PITPNM3: variants seen among roughly 807,000 people sequenced by gnomAD.
The protein encoded by PITPNM3 is membrane-associated phosphatidylinositol transfer protein 3.
PITPNM3 carries 26 observed loss-of-function variants against 102.0 expected under a neutral mutation model. The ratio of observed to expected loss-of-function variants is 0.25; its 90% CI spans 0.19 to 0.35. The LOEUF (loss-of-function observed/expected upper bound fraction) is 0.35. Among genes scored for constraint, PITPNM3 ranks in the 10% least tolerant of loss-of-function variants. The pLI is 1.00. For missense variants in PITPNM3, 1,083 were observed against 1,346.1 expected, an observed-to-expected ratio of 0.80 and a Z score of 3.06; for synonymous variants, 578 against 558.6, an observed-to-expected ratio of 1.03 and a Z score of -0.49.
At position 6,537,065 on chromosome 17, in the gene PITPNM3, T is replaced by C. The variant is rs987990985; in HGVS notation, c.118+922A>G. ...TCAAGGCTGATCTCTGCCTGAAATG[T>C]CCACCCCTTTGGATGCCCCTTTCTT... is the stretch of plus-strand genomic sequence containing the variant. On this transcript the variant is annotated intron_variant, in intron 2 of 19. Coordinates refer to ENST00000262483, the MANE Select transcript of PITPNM3 (RefSeq NM_031220.4). This position sits in a 1 kb window ranked among gnomAD's most constrained non-coding sequence, Gnocchi z 4.4. Among the ~76,000 whole-genome samples the C allele has an allele frequency of 1.3e-5, 2 of 152,134 alleles. No homozygotes were observed. Among genetic ancestry groups the C allele is most frequent in the African/African-American group, 4.8e-5 (2 of 41,416 alleles).
chr17:6,498,773 G>T (rs1235141962), intron 4 of PITPNM3, among the ~76,000 whole-genome samples: 2 of 152,154 alleles, frequency 1.3e-5, no homozygotes, highest in Non-Finnish European at 2.9e-5. Context: ...ATGGAGGATG[G>T]TGCCATTCAC....
intron 10 of PITPNM3, among the ~76,000 whole-genome samples, chr17:6,473,714 C>T (rs1905166466): frequency 6.6e-6 from 1 of 152,220 alleles, no homozygotes; most frequent in South Asian, 2.1e-4. Flanking sequence ...CGGTGGTTCA[C>T]GCCTGTAATC....
At chr17:6,544,654 T>TCTCTCTCTCTCTCTCTCTCTCA (rs376230474) in intron 1 of PITPNM3, among the ~76,000 whole-genome samples, 2 of 130,206 alleles carry the variant, frequency 1.5e-5, no homozygotes, top group African/African-American at 3.1e-5. Context: ...TCTCTCTCTC[T>TCTCTCTCTCTCTCTCTCTCTCA]CACACACACA....
rs2150722589 is a variant in PITPNM3 at position 6,468,926 on chromosome 17, C to A, written c.1774-585G>T. 6.6e-6 allele frequency among the ~76,000 whole-genome samples: 1 copy of A among 152,260 alleles called. No homozygotes were observed. Among genetic ancestry groups the A allele is most frequent in the South Asian group, 2.1e-4 (1 of 4,830 alleles). On this transcript the variant is annotated intron_variant, in intron 13 of 19. Coordinates refer to ENST00000262483, the MANE Select transcript of PITPNM3 (RefSeq NM_031220.4). The surrounding 1 kb of genome is among the most constrained non-coding windows in gnomAD (Gnocchi z 5.2). ...CTGTCACCCCTTCCTCACCTGCCCC[C>A]TCTCCTCCACCCACTCCAGTCAGGG...
intron 4 of PITPNM3, among the ~76,000 whole-genome samples, chr17:6,486,573 G>A (rs1477788543): frequency 6.6e-6 from 1 of 152,176 alleles, no homozygotes; most frequent in Non-Finnish European, 1.5e-5. Context: ...CCGAGCTACT[G>A]CCCACACAGA....
chr17:6,461,970 C>T (rs1904484141), intron 17 of PITPNM3, among the ~76,000 whole-genome samples: 1 of 151,630 alleles, frequency 6.6e-6, no homozygotes, highest in Non-Finnish European at 1.5e-5. Flanking sequence ...TTAGCTCGGG[C>T]CCCATCTCTC....
At chr17:6,495,059 T>C (rs971885635) in intron 4 of PITPNM3, among the ~76,000 whole-genome samples, 2 of 152,146 alleles carry the variant, frequency 1.3e-5, no homozygotes, top group African/African-American at 2.4e-5. Flanking sequence ...TGTGAGGGTA[T>C]AGATATAAAA....
chr17:6,455,280 G>A lies in PITPNM3; in HGVS notation c.*58C>T. 2.6e-6 allele frequency: 4 copies of A among 1,512,630 alleles called. No individual in the cohort carries two copies. The highest frequency in any genetic ancestry group is 3.5e-6 in the Non-Finnish European group (4 of 1,131,934). 93.7% of individuals were successfully genotyped at this position (1,512,630 alleles called of 1,614,324 possible). A position where few individuals can be genotyped will look rare whatever the true frequency, so the allele number is the denominator to read the frequency against. On this transcript the variant is annotated 3_prime_UTR_variant, in exon 20 of 20. Coordinates refer to ENST00000262483, the MANE Select transcript of PITPNM3 (RefSeq NM_031220.4). ...GTCGGGGAGAGGGCAGCCCCCTCCC[G>A]TCCCCGCAGGCAGCCTGATTGGGCC...
intron 3 of PITPNM3, 66 bp from the exon 4 acceptor site, chr17:6,503,640 G>A (rs1567679236): frequency 2.6e-6 from 4 of 1,556,346 alleles, no homozygotes; most frequent in East Asian, 2.2e-5. Context: ...TGTTTCCCAG[G>A]GAGGCTGCTT....
intron 1 of PITPNM3, among the ~76,000 whole-genome samples, chr17:6,540,779 C>T (rs1220636831): frequency 7.9e-5 from 12 of 152,208 alleles, no homozygotes; most frequent in African/African-American, 2.9e-4. Flanking sequence ...CTGCCTCAGC[C>T]TCCCAAGTAG....
chr17:6,499,091 C>G (rs935847522), intron 4 of PITPNM3, among the ~76,000 whole-genome samples: 2 of 152,090 alleles, frequency 1.3e-5, no homozygotes, highest in Non-Finnish European at 2.9e-5. Flanking sequence ...CAGGTCTCCT[C>G]CCCCAAGTCC....
intron 18 of PITPNM3, 26 bp downstream of exon 18, chr17:6,461,347 G>A (rs1179667617): frequency 1.9e-6 from 3 of 1,611,500 alleles, no homozygotes; most frequent in African/African-American, 2.7e-5. Context: ...AAGCCATGGA[G>A]TCCCCACCCC....
chr17:6,468,150 T>A lies in PITPNM3; in HGVS notation c.1890+75A>T. On this transcript the variant is annotated intron_variant, in intron 14 of 19. Transcript: ENST00000262483. The surrounding 1 kb of genome is among the most constrained non-coding windows in gnomAD (Gnocchi z 5.2). ...TTGAAGCGCTTACCTCCCATGTGGA[T>A]GCCCCAGCCCCCGGGCCAGCCCCAC... 1 of 1,412,168 alleles carries A rather than the reference T, an allele frequency of 7.1e-7. No homozygotes were observed. The highest frequency in any genetic ancestry group is 1.0e-6 in the Non-Finnish European group (1 of 1,001,938). 87.5% of individuals were successfully genotyped at this position (1,412,168 alleles called of 1,614,324 possible). A position where few individuals can be genotyped will look rare whatever the true frequency, so the allele number is the denominator to read the frequency against.
chr17:6,494,034 C>G (rs189428307), intron 4 of PITPNM3, among the ~76,000 whole-genome samples: 1 of 152,346 alleles, frequency 6.6e-6, no homozygotes, highest in East Asian at 1.9e-4. Context: ...GACTCCTTTG[C>G]AACAAACACA....
rs1914033522 is a variant in PITPNM3, at chr17:6,455,228, G to C, written c.*110C>G. ...GGTCGGACACTGCTGGACAGACACG[G>C]GAGGGAAAAAGCAGGAAAACGCCTG... On this transcript the variant is annotated 3_prime_UTR_variant, in exon 20 of 20. Transcript: ENST00000262483. 7.4e-7 allele frequency: 1 copy of C among 1,348,074 alleles called. No individual in the cohort carries two copies. Among genetic ancestry groups the C allele is most frequent in the Non-Finnish European group, 9.9e-7 (1 of 1,009,090 alleles). 83.5% of individuals were successfully genotyped at this position (1,348,074 alleles called of 1,614,324 possible). A position where few individuals can be genotyped will look rare whatever the true frequency, so the allele number is the denominator to read the frequency against.
intron 1 of PITPNM3, among the ~76,000 whole-genome samples, chr17:6,538,555 G>C (rs1909567838): frequency 2.6e-5 from 4 of 152,218 alleles, no homozygotes; most frequent in Admixed American, 2.0e-4. Flanking sequence ...TTCTGGCCAA[G>C]CAGGGGAGAA....
At position 6,468,417 on chromosome 17, in the gene PITPNM3, C is replaced by T. The variant is rs1461878764; in HGVS notation, c.1774-76G>A. The T allele has an allele frequency of 1.4e-5, 21 of 1,464,498 alleles. No individual in the cohort carries two copies. The highest frequency in any genetic ancestry group is 2.0e-5 in the Non-Finnish European group (21 of 1,046,472). The allele number at this position is 1,464,498 out of a possible 1,614,324, so 90.7% of individuals were successfully genotyped here. A position where few individuals can be genotyped will look rare whatever the true frequency, so the allele number is the denominator to read the frequency against. On this transcript the variant is annotated intron_variant, in intron 13 of 19. Transcript: ENST00000262483. The surrounding 1 kb of genome is among the most constrained non-coding windows in gnomAD (Gnocchi z 5.2). ...TCCCTCCCAGGGTGTCAGTGCCCACCAGCTTGTGGCCAGCTGGGCCCTGCC... is the reference window on the plus strand; with the variant it reads ...TCCCTCCCAGGGTGTCAGTGCCCACTAGCTTGTGGCCAGCTGGGCCCTGCC...
Position 6,463,834 on chromosome 17 carries a change from C to T in PITPNM3, c.2204G>A (p.Gly735Asp), listed in dbSNP as rs770938798. ...AATGCTGAACACTACACACTCCATG[C>T]CCCTGGGCAACACCGTGAGGTAGCT... is the stretch of plus-strand genomic sequence containing the variant. Reference protein sequence around the residue: ...AMSYLTVLPRGMECVVFSIDG... With the variant: ...AMSYLTVLPRDMECVVFSIDG... Residue 735 changes from glycine (G) to aspartate (D), a missense_variant, in exon 17 of 20, where the codon GGC (glycine) becomes GAC (aspartate). Gly to Asp is a moderately conservative substitution (Grantham distance 94). Coordinates refer to ENST00000262483, the MANE Select transcript of PITPNM3 (RefSeq NM_031220.4). 2.7e-5 allele frequency: 44 copies of T among 1,613,994 alleles called. No homozygotes were observed. In the South Asian group the frequency reaches 4.6e-4, roughly 17 times the overall value.
At chr17:6,543,719 G>A (rs770544030) in intron 1 of PITPNM3, among the ~76,000 whole-genome samples, 2 of 152,186 alleles carry the variant, frequency 1.3e-5, no homozygotes, top group African/African-American at 2.4e-5. Context: ...AGGAGCAGAC[G>A]TCCTGGCCCG....
Sources: gnomAD v4.1 joint callset for allele counts (sites outside exome capture counted in the v4.1 genomes callset) on GRCh38, gnomAD v4.1.1 for gene constraint, Gnocchi (gnomAD v3.1) non-coding constraint, MANE v1.5 for transcripts, NCBI Gene and HGNC (gene_info 2026-07-23, HGNC 2026-07-21) for gene names.